Variants in OR2H2 observed in about 807,000 individuals in gnomAD.
OR2H2 encodes the protein olfactory receptor 2H2.
For missense variants in OR2H2, 295 were observed against 313.7 expected (o/e 0.94, Z 0.45); for synonymous variants, 146 against 132.4 (o/e 1.10, Z -0.71).
chr6:29,585,593 T>C (rs995369488), intron 1 of OR2H2, among the ~76,000 whole-genome samples: 6 of 152,228 alleles, frequency 3.9e-5, no homozygotes, highest in African/African-American at 1.4e-4. Flanking sequence ...TTTATCACCA[T>C]GCTTTGATGG....
Position 29,588,460 on chromosome 6 carries a change from G to A in OR2H2, c.516G>A (p.Val172=), listed in dbSNP as rs1760446181. The A allele has an allele frequency of 7.8e-7, 1 of 1,284,934 alleles. No individual in the cohort carries two copies. The highest frequency in any genetic ancestry group is 1.8e-4 in the Middle Eastern group (1 of 5,410). 79.6% of individuals were successfully genotyped at this position (1,284,934 alleles called of 1,614,324 possible). A position where few individuals can be genotyped will look rare whatever the true frequency, so the allele number is the denominator to read the frequency against. ...LHLPFCPDRQ[V]DDFVCEVPAL... ...TGCCCTTCTGCCCCGATCGGCAGGT[G>A]GATGATTTTGTCTGTGAGGTCCCAG... The change falls in exon 2 of 2, where the codon GTG becomes GTA. Residue 172 remains valine, a synonymous_variant. Coordinates refer to ENST00000641840, the MANE Select transcript of OR2H2 (RefSeq NM_007160.4).
rs141430371 is a variant in OR2H2 at position 29,588,602 on chromosome 6, A to G, written c.658A>G (p.Thr220Ala). The change falls in exon 2 of 2, where the codon ACC (threonine) becomes GCC (alanine). Residue 220 changes from threonine to alanine, a missense_variant. By Grantham distance (58) the Thr-to-Ala change is moderately conservative. Coordinates refer to ENST00000641840, the MANE Select transcript of OR2H2 (RefSeq NM_007160.4). ...CATCCTTGTCTCTTACGGAGCCATTACCTGGGCAGTGCTGAGGATTAACTC... is the reference window on the plus strand; with the variant it reads ...CATCCTTGTCTCTTACGGAGCCATTGCCTGGGCAGTGCTGAGGATTAACTC... ...SLILVSYGAITWAVLRINSAK... is the reference protein window; with the variant it reads ...SLILVSYGAIAWAVLRINSAK... The G allele has an allele frequency of 4.0e-3, 4,642 of 1,156,296 alleles. 15 individuals are homozygous for G. Among genetic ancestry groups the G allele is most frequent in the Admixed American group, 7.1e-3 (420 of 59,480 alleles). The allele number at this position is 1,156,296 out of a possible 1,614,324, so 71.6% of individuals were successfully genotyped here. A position where few individuals can be genotyped will look rare whatever the true frequency, so the allele number is the denominator to read the frequency against.
In OR2H2 at chr6:29,590,386, A is replaced by G. The variant is rs1760594004; in HGVS notation, c.*1503A>G. 6.6e-6 allele frequency: 1 copy of G among 152,244 alleles called. No homozygotes were observed. Among genetic ancestry groups the G allele is most frequent in the South Asian group, 2.1e-4 (1 of 4,834 alleles). The allele number at this position is 152,244 out of a possible 1,614,324, so 9.4% of individuals were successfully genotyped here. ...AGCTTTGAGGAAATCATTTCAATCT[A>G]AAACTATATCTAAATGATCCCCCAG... On this transcript the variant is annotated 3_prime_UTR_variant, in exon 2 of 2. Transcript: ENST00000641840.
At position 29,588,247 on chromosome 6, in the gene OR2H2, C is replaced by A. The variant is rs770879180; in HGVS notation, c.303C>A (p.Ile101=). 2 of 1,576,108 alleles carry A rather than the reference C, an allele frequency of 1.3e-6. No homozygotes were observed. The highest frequency in any genetic ancestry group is 1.1e-5 in the South Asian group (1 of 90,276). ...TGGACTGCTCTGTCCAGATCTTCATCTTCCTGTCCCTGGGGACAACTGAGT... is the reference window on the plus strand; with the variant it reads ...TGGACTGCTCTGTCCAGATCTTCATATTCCTGTCCCTGGGGACAACTGAGT... ...SFLDCSVQIF[I]FLSLGTTECI... The change falls in exon 2 of 2, where the codon ATC becomes ATA. Residue 101 remains isoleucine, a synonymous_variant. Coordinates refer to ENST00000641840, the MANE Select transcript of OR2H2 (RefSeq NM_007160.4).
In OR2H2 at chr6:29,588,792, T is replaced by C. The variant is rs1760481847; in HGVS notation, c.848T>C (p.Leu283Pro). ...GLFYAVGTPS[L>P]NPLIYTLRNK... ...TTCTATGCAGTGGGCACTCCTTCAC[T>C]TAACCCTCTCATATACACCCTGAGG... Residue 283 changes from leucine to proline, a missense_variant, in exon 2 of 2, where the codon CTT (leucine) becomes CCT (proline). By Grantham distance (98) the Leu-to-Pro change is moderately conservative. Transcript: ENST00000641840. 3 of 852,394 alleles carry C rather than the reference T, an allele frequency of 3.5e-6. No homozygotes were observed. In the South Asian group the frequency reaches 3.9e-5, roughly 11 times the overall value. 52.8% of individuals were successfully genotyped at this position (852,394 alleles called of 1,614,324 possible). A position where few individuals can be genotyped will look rare whatever the true frequency, so the allele number is the denominator to read the frequency against.
chr6:29,588,804 T>C lies in OR2H2; in HGVS notation c.860T>C (p.Ile287Thr), dbSNP rs1452261223. ...AVGTPSLNPL[I>T]YTLRNKEVTR... is the part of the protein sequence containing the mutation. ...GGCACTCCTTCACTTAACCCTCTCA[T>C]ATACACCCTGAGGAACAAGGAGGTA... Residue 287 changes from isoleucine to threonine, a missense_variant, in exon 2 of 2, where the codon ATA becomes ACA. By Grantham distance (89) the Ile-to-Thr change is moderately conservative. Transcript: ENST00000641840. The C allele has an allele frequency of 1.2e-6, 1 of 839,896 alleles. No homozygotes were observed. Among genetic ancestry groups the C allele is most frequent in the Non-Finnish European group, 2.1e-6 (1 of 473,096 alleles). 52.0% of individuals were successfully genotyped at this position (839,896 alleles called of 1,614,324 possible).
intron 1 of OR2H2, among the ~76,000 whole-genome samples, chr6:29,587,015 T>C (rs1438608250): frequency 1.3e-5 from 2 of 152,210 alleles, no homozygotes; most frequent in Non-Finnish European, 2.9e-5. Flanking sequence ...CTTTCCCTGA[T>C]ATACCCAACC....
chr6:29,586,885 A>G (rs562284555), intron 1 of OR2H2, among the ~76,000 whole-genome samples: 21 of 152,192 alleles, frequency 1.4e-4, no homozygotes, highest in Middle Eastern at 3.4e-3. Context: ...TAAGACCCTG[A>G]GTCCTTGTCT....
In OR2H2 at chr6:29,588,922, C is replaced by A; in HGVS notation, c.*39C>A. The A allele has an allele frequency of 1.3e-6, 1 of 759,208 alleles. No individual in the cohort carries two copies. The highest frequency in any genetic ancestry group is 1.8e-5 in the Admixed American group (1 of 55,482). 47.0% of individuals were successfully genotyped at this position (759,208 alleles called of 1,614,324 possible). A position where few individuals can be genotyped will look rare whatever the true frequency, so the allele number is the denominator to read the frequency against. On this transcript the variant is annotated 3_prime_UTR_variant, in exon 2 of 2. Transcript: ENST00000641840. ...AATGTGCTTTAAAAGAGAGGAGATT[C>A]TATGTGCTTTTATCAGAAAGTTTGA...
intron 1 of OR2H2, among the ~76,000 whole-genome samples, chr6:29,585,841 G>A (rs1046802345): frequency 7.2e-5 from 11 of 152,180 alleles, no homozygotes; most frequent in African/African-American, 2.7e-4. Context: ...TAAGAAAGGT[G>A]TAATCTAAAG....
rs1056812913 is a variant in OR2H2 at position 29,590,116 on chromosome 6, A to C, written c.*1233A>C. The C allele has an allele frequency of 6.6e-5, 10 of 152,252 alleles. No homozygotes were observed. Among genetic ancestry groups the C allele is most frequent in the Non-Finnish European group, 1.5e-4 (10 of 68,042 alleles). The allele number at this position is 152,252 out of a possible 1,614,324, so 9.4% of individuals were successfully genotyped here. A position where few individuals can be genotyped will look rare whatever the true frequency, so the allele number is the denominator to read the frequency against. ...ATAAAGTCAAAAAATGGTCAAAGTC[A>C]GGAACCCCCTGCAATTTACACATAT... is the stretch of plus-strand genomic sequence containing the variant. On this transcript the variant is annotated 3_prime_UTR_variant, in exon 2 of 2. Coordinates refer to ENST00000641840, the MANE Select transcript of OR2H2 (RefSeq NM_007160.4).
intron 1 of OR2H2, among the ~76,000 whole-genome samples, chr6:29,586,485 T>TAAAAAAAAAA (rs771489542): frequency 1.2e-5 from 1 of 82,442 alleles, no homozygotes; most frequent in African/African-American, 4.8e-5. Context: ...AACGTGACTC[T>TAAAAAAAAAA]AAAAAAAAAA....
At position 29,588,732 on chromosome 6, in the gene OR2H2, C is replaced by T. The variant is rs778418654; in HGVS notation, c.788C>T (p.Pro263Leu). Residue 263 changes from proline to leucine, a missense_variant, in exon 2 of 2, where the codon CCC (proline) becomes CTC (leucine). Coordinates refer to ENST00000641840, the MANE Select transcript of OR2H2 (RefSeq NM_007160.4). ...GCTGTCTACCTCCAGCCCAAAAATC[C>T]CTATGCCCAAGAGAGGGGCAAGTTC... ...VIAVYLQPKN[P>L]YAQERGKFFG... is the part of the protein sequence containing the mutation. 2 of 1,448,470 alleles carry T rather than the reference C, an allele frequency of 1.4e-6. No individual in the cohort carries two copies. Among genetic ancestry groups the T allele is most frequent in the Admixed American group, 3.3e-5 (2 of 59,826 alleles). The allele number at this position is 1,448,470 out of a possible 1,614,324, so 89.7% of individuals were successfully genotyped here. A position where few individuals can be genotyped will look rare whatever the true frequency, so the allele number is the denominator to read the frequency against.
chr6:29,588,125 C>G lies in OR2H2; in HGVS notation c.181C>G (p.Leu61Val). 1 of 1,077,004 alleles carries G rather than the reference C, an allele frequency of 9.3e-7. No homozygotes were observed. Among genetic ancestry groups the G allele is most frequent in the Non-Finnish European group, 1.5e-6 (1 of 689,336 alleles). The allele number at this position is 1,077,004 out of a possible 1,614,324, so 66.7% of individuals were successfully genotyped here. Residue 61 changes from leucine to valine, a missense_variant, in exon 2 of 2, where the codon CTC becomes GTC. Leu to Val is a conservative substitution (Grantham distance 32). Coordinates refer to ENST00000641840, the MANE Select transcript of OR2H2 (RefSeq NM_007160.4). ...PKLHSPMYFF[L>V]SNLSFLDLCF... ...GCTCCACTCTCCAATGTACTTTTTC[C>G]TCTCCAACCTCTCCTTCTTGGACCT...
chr6:29,586,485 T>TAAAAA lies in OR2H2; in HGVS notation c.-276+1155_-276+1159dup, dbSNP rs771489542. On this transcript the variant is annotated intron_variant, in intron 1 of 1. Transcript: ENST00000641840. ...CAGCCTGGGCTATAAAACGTGACTC[T>TAAAAA]AAAAAAAAAAAAAAAAAAAAAAAAT... Among the ~76,000 whole-genome samples the TAAAAA allele has an allele frequency of 3.3e-3, 269 of 82,414 alleles. 1 individual carries two copies. Among genetic ancestry groups the TAAAAA allele is most frequent in the East Asian group, 0.016 (49 of 3,102 alleles). The allele number at this position is 82,414 out of a possible 152,430, so 54.1% of individuals were successfully genotyped here. A position where few individuals can be genotyped will look rare whatever the true frequency, so the allele number is the denominator to read the frequency against.
chr6:29,587,777 G>A lies in OR2H2; in HGVS notation c.-168G>A, dbSNP rs1760362943. 6 of 585,296 alleles carry A rather than the reference G, an allele frequency of 1.0e-5. 1 individual carries two copies. In the East Asian group the frequency reaches 1.7e-4, roughly 16 times the overall value. The allele number at this position is 585,296 out of a possible 1,614,324, so 36.3% of individuals were successfully genotyped here. ...CAGGAAGAACAGGGAATGAGAAGGA[G>A]CTGCTGGATGGTGATGAGCCTTGGA... On this transcript the variant is annotated 5_prime_UTR_variant, in exon 2 of 2. Coordinates refer to ENST00000641840, the MANE Select transcript of OR2H2 (RefSeq NM_007160.4).
In OR2H2 at chr6:29,590,253, CA is replaced by C. The variant is rs1285154953; in HGVS notation, c.*1371del. 6.6e-6 allele frequency: 1 copy of C among 152,166 alleles called. No individual in the cohort carries two copies. The highest frequency in any genetic ancestry group is 1.5e-5 in the Non-Finnish European group (1 of 68,042). 9.4% of individuals were successfully genotyped at this position (152,166 alleles called of 1,614,324 possible). A position where few individuals can be genotyped will look rare whatever the true frequency, so the allele number is the denominator to read the frequency against. ...TGTTACCACTTGCAAATGTGCAAGACAGGATTTGAACCCAGGAAAACTGGCT... is the reference window on the plus strand; with the variant it reads ...TGTTACCACTTGCAAATGTGCAAGACGGATTTGAACCCAGGAAAACTGGCT... On this transcript the variant is annotated 3_prime_UTR_variant, in exon 2 of 2. Coordinates refer to ENST00000641840, the MANE Select transcript of OR2H2 (RefSeq NM_007160.4).
rs1760362162 is a variant in OR2H2, at chr6:29,587,765, G to A, written c.-180G>A. 2 of 570,598 alleles carry A rather than the reference G, an allele frequency of 3.5e-6. No homozygotes were observed. Among genetic ancestry groups the A allele is most frequent in the South Asian group, 5.1e-5 (2 of 38,996 alleles). 35.3% of individuals were successfully genotyped at this position (570,598 alleles called of 1,614,324 possible). ...ACAATGTTTGACCAGGAAGAACAGG[G>A]AATGAGAAGGAGCTGCTGGATGGTG... On this transcript the variant is annotated 5_prime_UTR_variant, in exon 2 of 2. Coordinates refer to ENST00000641840, the MANE Select transcript of OR2H2 (RefSeq NM_007160.4).
chr6:29,588,855 G>C lies in OR2H2; in HGVS notation c.911G>C (p.Gly304Ala), dbSNP rs753579202. The C allele has an allele frequency of 2.0e-5, 16 of 814,318 alleles. No homozygotes were observed. Among genetic ancestry groups the C allele is most frequent in the Admixed American group, 5.1e-5 (3 of 59,030 alleles). 50.4% of individuals were successfully genotyped at this position (814,318 alleles called of 1,614,324 possible). ...ACCAGGGCATTCAGGAGATTGCTGG[G>C]GAAGGAAATGGGGCTCACACAAAGC... ...EVTRAFRRLL[G>A]KEMGLTQS The change falls in exon 2 of 2, where the codon GGG becomes GCG. Residue 304 changes from glycine (G) to alanine (A), a missense_variant. Physicochemically the swap from Gly to Ala is moderately conservative, Grantham distance 60. Coordinates refer to ENST00000641840, the MANE Select transcript of OR2H2 (RefSeq NM_007160.4).
Sources: gnomAD v4.1 joint callset for allele counts (sites outside exome capture counted in the v4.1 genomes callset) on GRCh38, gnomAD v4.1.1 for gene constraint, MANE v1.5 for transcripts, NCBI Gene and HGNC (gene_info 2026-07-23, HGNC 2026-07-21) for gene names.